Variants in IPO8 observed in about 807,000 individuals in gnomAD.
IPO8 encodes importin-8.
In IPO8, 65 loss-of-function variants were observed where a neutral mutation model predicts 141.2. The ratio of observed to expected loss-of-function variants is 0.46; its 90% CI spans 0.38 to 0.57. The LOEUF (loss-of-function observed/expected upper bound fraction) is 0.57. Ranked by LOEUF, IPO8 falls within the 20% of genes least tolerant of loss-of-function variation. The pLI is 0.00. For missense variants in IPO8, 980 were observed against 1,246.8 expected (o/e 0.79, Z 3.22); for synonymous variants, 411 against 420.3 (o/e 0.98, Z 0.27).
At chr12:30,680,833 C>A (rs1375142922) in intron 4 of IPO8, among the ~76,000 whole-genome samples, 195 bp from the exon 5 acceptor site, 1 of 152,030 alleles carries the variant, frequency 6.6e-6, no homozygotes, top group Non-Finnish European at 1.5e-5. Context: ...AGGCACAACA[C>A]CTAAAATCTT....
At chr12:30,653,237 G>C in intron 17 of IPO8, 145 bp from the exon 18 acceptor site, 1 of 668,188 alleles carries the variant, frequency 1.5e-6, no homozygotes, top group South Asian at 2.1e-5. Context: ...CTCAGTATTT[G>C]TATCTTCGGC....
In IPO8 at chr12:30,695,521, C is replaced by A. The variant is rs745847948; in HGVS notation, c.84+43G>T. ...AGGGAGCCCGGCCAGCCGGCAGGGG[C>A]GCCCCTTCGGCGGAAGAGGGTCGCC... On this transcript the variant is annotated intron_variant, in intron 1 of 24. Transcript: ENST00000256079. This position sits in a 1 kb window ranked among gnomAD's most constrained non-coding sequence, Gnocchi z 4.2. 6.4e-7 allele frequency: 1 copy of A among 1,566,778 alleles called. No homozygotes were observed. The highest frequency in any genetic ancestry group is 1.1e-5 in the South Asian group (1 of 89,984).
At chr12:30,661,079 A>G in intron 16 of IPO8, 62 bp downstream of exon 16, 1 of 1,266,066 alleles carries the variant, frequency 7.9e-7, no homozygotes, top group Non-Finnish European at 1.0e-6. Context: ...ATTCATGGCC[A>G]CTGATCACAT....
intron 17 of IPO8, 111 bp downstream of exon 17, chr12:30,656,571 TTC>T (rs1439444311): frequency 1.3e-5 from 7 of 556,908 alleles, no homozygotes; most frequent in African/African-American, 1.2e-4. Flanking sequence ...GTGATTATGC[TTC>T]TCTTTCTCAA....
At chr12:30,692,320 C>G (rs1591848906) in intron 1 of IPO8, among the ~76,000 whole-genome samples, 2 of 152,260 alleles carry the variant, frequency 1.3e-5, no homozygotes, top group Admixed American at 1.3e-4. Flanking sequence ...TTTTGAAACT[C>G]CTCTTTTTGC....
chr12:30,680,974 A>C (rs1384615997), intron 4 of IPO8, among the ~76,000 whole-genome samples: 1 of 152,170 alleles, frequency 6.6e-6, no homozygotes, highest in Non-Finnish European at 1.5e-5. Flanking sequence ...TTGCTATGCT[A>C]TTTTAAATAG....
chr12:30,644,798 G>A lies in IPO8; in HGVS notation c.2268+4339C>T, dbSNP rs1027690581. ...CTCCCAAGTAGCTGGGATTACAGGC[G>A]CATGCCATCATGCCCAGGTGATTTT... On this transcript the variant is annotated intron_variant, in intron 20 of 24. Coordinates refer to ENST00000256079, the MANE Select transcript of IPO8 (RefSeq NM_006390.4). Among the ~76,000 whole-genome samples, 22 of 151,814 alleles carry A rather than the reference G, an allele frequency of 1.4e-4. No homozygotes were observed. The East Asian group carries it at 1.8e-3, about 12-fold the overall frequency.
At chr12:30,674,842 TAA>T (rs2053098492) in intron 6 of IPO8, 89 bp from the exon 7 acceptor site, 2 of 843,984 alleles carry the variant, frequency 2.4e-6, no homozygotes, top group Non-Finnish European at 4.1e-6. Context: ...TGATATAGGT[TAA>T]GTCATATTAA....
chr12:30,644,960 T>C (rs1430609176), intron 20 of IPO8, among the ~76,000 whole-genome samples: 1 of 151,500 alleles, frequency 6.6e-6, no homozygotes, highest in Non-Finnish European at 1.5e-5. Flanking sequence ...GCCACAAAGA[T>C]GAACTTTGAA....
intron 18 of IPO8, among the ~76,000 whole-genome samples, chr12:30,652,729 T>C (rs1392521125): frequency 2.0e-5 from 3 of 152,176 alleles, no homozygotes; most frequent in South Asian, 4.1e-4. Flanking sequence ...AATTAATATA[T>C]GGATATATGC....
At chr12:30,652,907 T>C in intron 18 of IPO8, 60 bp downstream of exon 18, 2 of 1,429,468 alleles carry the variant, frequency 1.4e-6, no homozygotes, top group Non-Finnish European at 1.9e-6. Context: ...ATTTCAGGTG[T>C]CAACAGGAAG....
At position 30,676,535 on chromosome 12, in the gene IPO8, T is replaced by C. The variant is rs2136165601; in HGVS notation, c.692A>G (p.Glu231Gly). 1.9e-6 allele frequency: 3 copies of C among 1,613,602 alleles called. No individual in the cohort carries two copies. The highest frequency in any genetic ancestry group is 1.7e-6 in the Non-Finnish European group (2 of 1,179,636). Residue 231 changes from glutamate (E) to glycine (G), a missense_variant, in exon 6 of 25, where the codon GAG becomes GGG. Glu to Gly is a moderately conservative substitution (Grantham distance 98). Transcript: ENST00000256079. ...CCTGTCGATAATAGTTCGGAAGATC[T>C]CCATCCATGTTGTCATGGTTTGGTT... The part of the protein sequence containing the change: ...VNNQTMTTWM[E>G]IFRTIIDRTV...
chr12:30,648,665 A>G (rs759700242), intron 20 of IPO8, among the ~76,000 whole-genome samples: 1 of 152,194 alleles, frequency 6.6e-6, no homozygotes, highest in Non-Finnish European at 1.5e-5. Flanking sequence ...ATACCACAAT[A>G]GTATCAAAAA....
intron 15 of IPO8, 49 bp from the exon 16 acceptor site, chr12:30,661,315 C>T: frequency 6.8e-6 from 10 of 1,480,394 alleles, no homozygotes; most frequent in South Asian, 1.5e-5. Flanking sequence ...ACTGTTACGT[C>T]CCCGCTTTAC....
chr12:30,668,405 C>G (rs549888968), intron 10 of IPO8, among the ~76,000 whole-genome samples: 1 of 152,302 alleles, frequency 6.6e-6, no homozygotes, highest in African/African-American at 2.4e-5. Flanking sequence ...ACAGCACTTT[C>G]AGCACGCAGC....
intron 13 of IPO8, among the ~76,000 whole-genome samples, 188 bp downstream of exon 13, chr12:30,665,032 G>A (rs1389578307): frequency 3.9e-5 from 6 of 152,158 alleles, no homozygotes; most frequent in Admixed American, 3.9e-4. Context: ...GAGCCACTGC[G>A]CCCAGCCTAT....
chr12:30,665,683 G>A (rs771617649), intron 12 of IPO8, 46 bp downstream of exon 12: 1 of 1,212,232 alleles, frequency 8.2e-7, no homozygotes, highest in Non-Finnish European at 1.2e-6. Context: ...TCATTTGCCT[G>A]TACTTTACAA....
At chr12:30,639,788 A>T in intron 20 of IPO8, 53 bp from the exon 21 acceptor site, 1 of 1,291,142 alleles carries the variant, frequency 7.7e-7, no homozygotes, top group Non-Finnish European at 1.1e-6. Flanking sequence ...AGTAACTTTT[A>T]TAGAAGCTGA....
intron 17 of IPO8, among the ~76,000 whole-genome samples, chr12:30,654,486 A>T (rs948012985): frequency 2.0e-5 from 3 of 152,080 alleles, no homozygotes; most frequent in African/African-American, 7.2e-5. Flanking sequence ...ATGAAGATTT[A>T]ATATCCAAAA....
Sources: allele counts gnomAD v4.1 joint callset (sites outside exome capture counted in the v4.1 genomes callset), GRCh38; gene constraint gnomAD v4.1.1; non-coding constraint Gnocchi (gnomAD v3.1); transcripts MANE v1.5; gene names NCBI Gene and HGNC (gene_info 2026-07-23, HGNC 2026-07-21).